AGL: variants seen among roughly 807,000 people sequenced by gnomAD.
AGL encodes glycogen debranching enzyme.
Under a neutral mutation model 199.3 loss-of-function variants are expected in AGL, and 128 were observed. The observed-to-expected ratio is 0.64, with a 90% CI of 0.56 to 0.74. The LOEUF is 0.74. Among genes scored for constraint, AGL ranks in the 30% least tolerant of loss-of-function variants. The probability of loss-of-function intolerance (pLI) is 0.00; values close to 1 mark genes in which losing one functional copy is unlikely to be tolerated. For missense variants in AGL, 1,809 were observed against 1,820.8 expected, an observed-to-expected ratio of 0.99 and a Z score of 0.12; for synonymous variants, 584 against 594.7, an observed-to-expected ratio of 0.98 and a Z score of 0.26.
chr1:99,878,952 A>G (rs1651789247), intron 12 of AGL, among the ~76,000 whole-genome samples: 1 of 152,226 alleles, frequency 6.6e-6, no homozygotes, highest in African/African-American at 2.4e-5. Context: ...TACAAAATCT[A>G]GGATTCTACT....
At chr1:99,853,020 T>C (rs1649109958) in intron 2 of AGL, among the ~76,000 whole-genome samples, 1 of 152,204 alleles carries the variant, frequency 6.6e-6, no homozygotes, top group Non-Finnish European at 1.5e-5. Context: ...GTAGAAACCT[T>C]ATATTCTTTG....
intron 12 of AGL, among the ~76,000 whole-genome samples, chr1:99,879,358 G>A (rs1651820870): frequency 6.7e-6 from 1 of 148,416 alleles, no homozygotes; most frequent in South Asian, 2.2e-4. Flanking sequence ...GCTCAGGCAG[G>A]CAGATCAGCT....
In AGL at chr1:99,880,117, C is replaced by G. The variant is rs933129486; in HGVS notation, c.1735+71C>G. ...TTAAGTAGATTAAAGGATTTAATAG[C>G]TTCATATGCAATGCTTAATAATTTT... On this transcript the variant is annotated intron_variant, in intron 13 of 33. Coordinates refer to ENST00000361915, the MANE Select transcript of AGL (RefSeq NM_000642.3). The G allele has an allele frequency of 1.9e-6, 3 of 1,591,088 alleles. No individual in the cohort carries two copies. In the African/African-American group the frequency reaches 4.0e-5, roughly 21 times the overall value.
Position 99,910,706 on chromosome 1 carries a change from T to C in AGL, c.3701-6T>C. On this transcript the variant is annotated splice_polypyrimidine_tract_variant and splice_region_variant and intron_variant, in intron 27 of 33. Transcript: ENST00000361915. ...AATTTTATTTTATACACATTTTGTT[T>C]TTTAGGTTTTAATATAACTGCAGGA... The C allele has an allele frequency of 6.4e-7, 1 of 1,570,038 alleles. No homozygotes were observed.
intron 4 of AGL, among the ~76,000 whole-genome samples, 173 bp from the exon 5 acceptor site, chr1:99,864,213 A>G (rs1650311258): frequency 6.6e-6 from 1 of 152,224 alleles, no homozygotes; most frequent in Non-Finnish European, 1.5e-5. Context: ...ACTTGCTTAA[A>G]GTCTCTTGTG....
At chr1:99,917,111 A>G (rs971260357) in intron 33 of AGL, among the ~76,000 whole-genome samples, 3 of 152,176 alleles carry the variant, frequency 2.0e-5, no homozygotes, top group African/African-American at 7.2e-5. Context: ...AAATGCTTTC[A>G]TTATAGTTAA....
intron 26 of AGL, 102 bp from the exon 27 acceptor site, chr1:99,902,581 A>G: frequency 2.1e-6 from 2 of 970,622 alleles, no homozygotes; most frequent in Non-Finnish European, 1.7e-6. Flanking sequence ...TCTCACTTCA[A>G]AGGAAAGTAT....
chr1:99,890,754 A>G lies in AGL; in HGVS notation c.2813-466A>G, dbSNP rs915607720. On this transcript the variant is annotated intron_variant, in intron 21 of 33. Transcript: ENST00000361915. Reference sequence around the variant, plus strand: ...AGCATGCTTTATTCTTATTATCTCCATAGGTGTTCTTGCTCTTTCTGAAAC... The same window carrying G: ...AGCATGCTTTATTCTTATTATCTCCGTAGGTGTTCTTGCTCTTTCTGAAAC... 3.9e-5 allele frequency among the ~76,000 whole-genome samples: 6 copies of G among 152,148 alleles called. No individual in the cohort carries two copies. In the East Asian group the frequency reaches 5.8e-4, roughly 15 times the overall value.
chr1:99,853,911 C>T (rs540161338), intron 2 of AGL, among the ~76,000 whole-genome samples: 85 of 148,004 alleles, frequency 5.7e-4, no homozygotes, highest in Admixed American at 3.4e-3. Flanking sequence ...AATAAAGGGC[C>T]GGGCGCAGTG....
intron 30 of AGL, among the ~76,000 whole-genome samples, chr1:99,914,165 A>G (rs1181157194): frequency 2.0e-5 from 3 of 152,210 alleles, no homozygotes; most frequent in Non-Finnish European, 4.4e-5. Flanking sequence ...ATAGCACAAT[A>G]GGTTACATGG....
At chr1:99,902,883 A>C in intron 27 of AGL, 89 bp downstream of exon 27, 1 of 959,492 alleles carries the variant, frequency 1.0e-6, no homozygotes, top group East Asian at 2.7e-5. Flanking sequence ...TTTGTGTGCC[A>C]AACCTCACGA....
chr1:99,864,441 C>CT lies in AGL; in HGVS notation c.517dup (p.Tyr173LeufsTer12). The CT allele has an allele frequency of 6.2e-7, 1 of 1,613,856 alleles. No individual in the cohort carries two copies. The highest frequency in any genetic ancestry group is 8.5e-7 in the Non-Finnish European group (1 of 1,179,824). ...AGACTCTTGGACTATCTAGGTCATGCTACTCCCTTGCCAATCAGTTAGAAT... is the reference window on the plus strand; with the variant it reads ...AGACTCTTGGACTATCTAGGTCATGCTTACTCCCTTGCCAATCAGTTAGAAT... On this transcript the variant is annotated frameshift_variant, in exon 5 of 34. Transcript: ENST00000361915. LOFTEE classifies it high-confidence loss of function.
At chr1:99,910,291 A>G (rs1654642874) in intron 27 of AGL, among the ~76,000 whole-genome samples, 1 of 152,150 alleles carries the variant, frequency 6.6e-6, no homozygotes, top group Non-Finnish European at 1.5e-5. Context: ...ATGTCCATGT[A>G]CATACATTAT....
At chr1:99,866,675 C>G (rs1650535235) in intron 5 of AGL, among the ~76,000 whole-genome samples, 1 of 152,180 alleles carries the variant, frequency 6.6e-6, no homozygotes, top group Non-Finnish European at 1.5e-5. Context: ...GCAGCAGTCT[C>G]TACCACAGAC....
intron 2 of AGL, among the ~76,000 whole-genome samples, chr1:99,857,854 A>ACCGTGGGG (rs1649691324): frequency 9.0e-6 from 1 of 110,640 alleles, no homozygotes; most frequent in African/African-American, 3.5e-5. Flanking sequence ...GGGAGGGGGG[A>ACCGTGGGG]AGAGGGAGAG....
In AGL at chr1:99,892,443, A is replaced by G. The variant is rs755060897; in HGVS notation, c.3095A>G (p.Asn1032Ser). Residue 1032 changes from asparagine to serine, a missense_variant, in exon 24 of 34, where the codon AAT becomes AGT. Coordinates refer to ENST00000361915, the MANE Select transcript of AGL (RefSeq NM_000642.3). ...AWKQMSSFVQNGSTFVKHLSL... is the reference protein window; with the variant it reads ...AWKQMSSFVQSGSTFVKHLSL... ...CACTTTTGTTACAGCTTTGTTCAGAATGGTTCAACCTTTGTGAAACACCTT... is the reference window on the plus strand; with the variant it reads ...CACTTTTGTTACAGCTTTGTTCAGAGTGGTTCAACCTTTGTGAAACACCTT... 1 of 1,613,606 alleles carries G rather than the reference A, an allele frequency of 6.2e-7. No homozygotes were observed. The highest frequency in any genetic ancestry group is 2.2e-5 in the East Asian group (1 of 44,808).
At chr1:99,902,041 A>G (rs1653882998) in intron 26 of AGL, among the ~76,000 whole-genome samples, 2 of 152,040 alleles carry the variant, frequency 1.3e-5, no homozygotes, top group Admixed American at 1.3e-4. Flanking sequence ...TATATTATAG[A>G]GTTTTGGTTA....
chr1:99,891,116 C>T, intron 21 of AGL, 104 bp from the exon 22 acceptor site: 1 of 1,428,634 alleles, frequency 7.0e-7, no homozygotes, highest in Non-Finnish European at 9.8e-7. Context: ...AATACGTATT[C>T]ACCCCAAATC....
chr1:99,899,682 G>A (rs1252744107), intron 25 of AGL, among the ~76,000 whole-genome samples: 7 of 150,988 alleles, frequency 4.6e-5, no homozygotes, highest in Non-Finnish European at 7.4e-5. Context: ...GTGCCGTGGC[G>A]CAATCTCCGC....
Sources: gnomAD v4.1 joint callset for allele counts (sites outside exome capture counted in the v4.1 genomes callset) on GRCh38, gnomAD v4.1.1 for gene constraint, MANE v1.5 for transcripts, NCBI Gene and HGNC (gene_info 2026-07-23, HGNC 2026-07-21) for gene names.